POLG2: variants seen among roughly 807,000 people sequenced by gnomAD.
POLG2 encodes DNA polymerase subunit gamma-2.
POLG2 carries 50 observed loss-of-function variants against 56.5 expected under a neutral mutation model. That is an observed-to-expected ratio of 0.88 (90% confidence interval 0.71 to 1.12). The LOEUF (loss-of-function observed/expected upper bound fraction) is 1.12, where lower values mean the gene tolerates loss of function less well. Among genes scored for constraint, POLG2 ranks in the 50% most tolerant of loss-of-function variants. The pLI is 0.00. For missense variants in POLG2, 584 were observed against 583.3 expected (o/e 1.00, Z -0.01); for synonymous variants, 226 against 222.6 (o/e 1.02, Z -0.14).
chr17:64,496,463 G>A lies in POLG2; in HGVS notation c.506C>T (p.Ala169Val), dbSNP rs1555669526. The A allele has an allele frequency of 6.3e-7, 1 of 1,599,366 alleles. No individual in the cohort carries two copies. Among genetic ancestry groups the A allele is most frequent in the Non-Finnish European group, 8.6e-7 (1 of 1,168,220 alleles). The change falls in exon 1 of 8, where the codon GCA becomes GTA. Residue 169 changes from alanine to valine, a missense_variant. Ala to Val is a moderately conservative substitution (Grantham distance 64). Coordinates refer to ENST00000539111, the MANE Select transcript of POLG2 (RefSeq NM_007215.4). The part of the protein sequence containing the change: ...DKELSKEQLV[A>V]FLENVLKTSG... ...AGTTTTTAATACGTTCTCAAGAAAT[G>A]CTACTAGCTGTTCCTTACTCAGCTC...
chr17:64,485,685 T>C, intron 5 of POLG2, 43 bp downstream of exon 5: 6 of 1,511,400 alleles, frequency 4.0e-6, no homozygotes, highest in Non-Finnish European at 5.5e-6. Flanking sequence ...AACAAACCCA[T>C]ATTTTTAGTT....
Position 64,482,916 on chromosome 17 carries a change from C to G in POLG2, c.1191+3G>C. The stretch of plus-strand genomic sequence containing the variant: ...AAATGACATTTAAACTCATTTAACT[C>G]ACCTGTCTTAGTTCCAATGTGGGGC... On this transcript the variant is annotated splice_donor_region_variant and intron_variant, in intron 6 of 7. Transcript: ENST00000539111. 1 of 1,501,076 alleles carries G rather than the reference C, an allele frequency of 6.7e-7. No individual in the cohort carries two copies. Among genetic ancestry groups the G allele is most frequent in the African/African-American group, 1.4e-5 (1 of 71,010 alleles). The allele number at this position is 1,501,076 out of a possible 1,614,324, so 93.0% of individuals were successfully genotyped here.
Position 64,482,927 on chromosome 17 carries a change from G to A in POLG2, c.1183C>T (p.Leu395=), listed in dbSNP as rs1301364156. 1 of 1,572,928 alleles carries A rather than the reference G, an allele frequency of 6.4e-7. No homozygotes were observed. Among genetic ancestry groups the A allele is most frequent in the East Asian group, 2.2e-5 (1 of 44,698 alleles). ...AAACTCATTTAACTCACCTGTCTTA[G>A]TTCCAATGTGGGGCCTCTTCCTACA... ...LDVGRGPTLE[L]RQVCQGLFNE... Residue 395 remains leucine, a synonymous_variant, in exon 6 of 8, where the codon CTA becomes TTA. Transcript: ENST00000539111.
chr17:64,491,509 C>T (rs2038057547), intron 3 of POLG2: 1 of 1,495,484 alleles, frequency 6.7e-7, no homozygotes, highest in African/African-American at 1.4e-5. Context: ...GACTATGTCT[C>T]TAAAAAAACC....
chr17:64,491,230 C>A (rs1555668435), intron 3 of POLG2, among the ~76,000 whole-genome samples: 1 of 152,154 alleles, frequency 6.6e-6, no homozygotes, highest in African/African-American at 2.4e-5. Flanking sequence ...TACTGCTGGC[C>A]TCAAGCAATC....
At position 64,477,900 on chromosome 17, in the gene POLG2, T is replaced by C. The variant is rs1272368503; in HGVS notation, c.1381A>G (p.Thr461Ala). 4 of 1,613,804 alleles carry C rather than the reference T, an allele frequency of 2.5e-6. No individual in the cohort carries two copies. The highest frequency in any genetic ancestry group is 3.4e-6 in the Non-Finnish European group (4 of 1,179,928). Residue 461 changes from threonine (T) to alanine (A), a missense_variant, in exon 8 of 8, where the codon ACA (threonine) becomes GCA (alanine). Physicochemically the swap from Thr to Ala is moderately conservative, Grantham distance 58 (BLOSUM62 0). Coordinates refer to ENST00000539111, the MANE Select transcript of POLG2 (RefSeq NM_007215.4). ...GLIHLRSRDT[T>A]MKEMMHISKL... ...GATATATGCATCATTTCCTTCATTG[T>C]GGTGTCTCTGCTTCTCAGATGTATT...
At chr17:64,478,279 G>A (rs1309253071) in intron 7 of POLG2, among the ~76,000 whole-genome samples, 3 of 151,186 alleles carry the variant, frequency 2.0e-5, no homozygotes, top group African/African-American at 7.4e-5. Context: ...CAGAAGAACC[G>A]CATAATAACC....
intron 4 of POLG2, among the ~76,000 whole-genome samples, chr17:64,486,391 C>T (rs184941675): frequency 9.4e-5 from 14 of 149,710 alleles, no homozygotes; most frequent in Non-Finnish European, 1.3e-4. Flanking sequence ...GACAGAGTCT[C>T]GCTCTGTCAC....
In POLG2 at chr17:64,478,280, CATA is replaced by C. The variant is rs146752666; in HGVS notation, c.1293-295_1293-293del. 0.051 allele frequency among the ~76,000 whole-genome samples: 7,784 copies of C among 152,236 alleles called. 309 individuals carry two copies. The highest frequency in any genetic ancestry group is 0.12 in the African/African-American group (4,802 of 41,518). Reference sequence around the variant, plus strand: ...TTGGGGTGATATCACAGAAGAACCGCATAATAACCTCAGCCTTTTGGTTCTTGG... The same window carrying C: ...TTGGGGTGATATCACAGAAGAACCGCATAACCTCAGCCTTTTGGTTCTTGG... On this transcript the variant is annotated intron_variant, in intron 7 of 7. Transcript: ENST00000539111.
chr17:64,495,914 G>A (rs1224647876), intron 1 of POLG2, among the ~76,000 whole-genome samples: 1 of 152,206 alleles, frequency 6.6e-6, no homozygotes, highest in East Asian at 1.9e-4. Flanking sequence ...TCACCATGTT[G>A]GCCAGGCTAG....
In POLG2 at chr17:64,480,387, A is replaced by G; in HGVS notation, c.1194T>C (p.Val398=). 1 of 1,503,368 alleles carries G rather than the reference A, an allele frequency of 6.7e-7. No individual in the cohort carries two copies. The highest frequency in any genetic ancestry group is 9.2e-7 in the Non-Finnish European group (1 of 1,081,830). 93.1% of individuals were successfully genotyped at this position (1,503,368 alleles called of 1,614,324 possible). A position where few individuals can be genotyped will look rare whatever the true frequency, so the allele number is the denominator to read the frequency against. The stretch of plus-strand genomic sequence containing the variant: ...GTAACTCATTAAATAGCCCTTGACA[A>G]ACCTAGAAAGAAATAGAAAAACTTC... ...GRGPTLELRQ[V]CQGLFNELLE... The change falls in exon 7 of 8, where the codon GTT becomes GTC. Residue 398 remains valine, a splice_region_variant and synonymous_variant. Transcript: ENST00000539111.
chr17:64,488,862 G>C (rs2038003930), intron 4 of POLG2, among the ~76,000 whole-genome samples: 1 of 152,062 alleles, frequency 6.6e-6, no homozygotes, highest in Non-Finnish European at 1.5e-5. Flanking sequence ...TAGCTACTCA[G>C]GAGGCTGAGG....
At position 64,491,575 on chromosome 17, in the gene POLG2, G is replaced by A. The variant is rs1488569097; in HGVS notation, c.796-606C>T. The A allele has an allele frequency of 3.9e-6, 6 of 1,552,060 alleles. No individual in the cohort carries two copies. In the African/African-American group the frequency reaches 6.8e-5, roughly 18 times the overall value. ...AAGAAACTTCTGGAGGTCAAACTAG[G>A]GGAGCTGCCAAGCTGGATCTTGATG... On this transcript the variant is annotated intron_variant, in intron 3 of 7. Transcript: ENST00000539111.
Position 64,495,177 on chromosome 17 carries a change from C to CAA in POLG2, c.562+1228_562+1229dup, listed in dbSNP as rs782184151. 1.8e-3 allele frequency among the ~76,000 whole-genome samples: 213 copies of CAA among 119,076 alleles called. 2 individuals carry two copies. Among genetic ancestry groups the CAA allele is most frequent in the East Asian group, 4.6e-3 (21 of 4,536 alleles). The allele number at this position is 119,076 out of a possible 152,430, so 78.1% of individuals were successfully genotyped here. Reference sequence around the variant, plus strand: ...TGGGCGGCAGAGCGAGACTCTGTCTCAAAAAAAAAAAAAAAAGGAACCAGG... The same window carrying CAA: ...TGGGCGGCAGAGCGAGACTCTGTCTCAAAAAAAAAAAAAAAAAAGGAACCAGG... On this transcript the variant is annotated intron_variant, in intron 1 of 7. Coordinates refer to ENST00000539111, the MANE Select transcript of POLG2 (RefSeq NM_007215.4).
intron 4 of POLG2, among the ~76,000 whole-genome samples, chr17:64,489,028 C>CTTT (rs562036918): frequency 1.5e-5 from 2 of 136,470 alleles, no homozygotes; most frequent in Non-Finnish European, 3.2e-5. Flanking sequence ...TTTTCTTTTT[C>CTTT]TTTTTTTTTT....
intron 1 of POLG2, among the ~76,000 whole-genome samples, chr17:64,494,856 C>G (rs1274899785): frequency 1.3e-5 from 2 of 152,170 alleles, no homozygotes; most frequent in Non-Finnish European, 2.9e-5. Flanking sequence ...AGCCATTTCT[C>G]CCAGTACTGG....
chr17:64,492,591 T>C (rs1555668700), intron 3 of POLG2, 76 bp downstream of exon 3: 2 of 798,386 alleles, frequency 2.5e-6, no homozygotes, highest in Admixed American at 4.0e-5. Flanking sequence ...ATTTCTTGTA[T>C]GTCAGAAGAA....
chr17:64,491,297 A>T (rs2038053961), intron 3 of POLG2, among the ~76,000 whole-genome samples: 5 of 152,216 alleles, frequency 3.3e-5, no homozygotes, highest in African/African-American at 1.2e-4. Flanking sequence ...TTTAATTTTT[A>T]AAAAGTGAAA....
chr17:64,491,833 A>C (rs1598132856), intron 3 of POLG2: 1 of 436,804 alleles, frequency 2.3e-6, no homozygotes, highest in African/African-American at 2.1e-5. Flanking sequence ...CTTGGCTGCA[A>C]CCCCTCCATA....
Sources: allele counts gnomAD v4.1 joint callset (sites outside exome capture counted in the v4.1 genomes callset), GRCh38; gene constraint gnomAD v4.1.1; transcripts MANE v1.5; gene names NCBI Gene and HGNC (gene_info 2026-07-23, HGNC 2026-07-21).